KIAA1217: variants seen among roughly 807,000 people sequenced by gnomAD.
KIAA1217 encodes KIAA1217.
KIAA1217 carries 88 observed loss-of-function variants against 163.9 expected under a neutral mutation model. That is an observed-to-expected ratio of 0.54 (90% CI 0.45 to 0.64). KIAA1217 has a LOEUF of 0.64. Among genes scored for constraint, KIAA1217 ranks in the 30% least tolerant of loss-of-function variants. The pLI is 0.00. For missense variants in KIAA1217, 2,372 were observed against 2,475.0 expected, an observed-to-expected ratio of 0.96 and a Z score of 0.88; for synonymous variants, 903 against 923.1, an observed-to-expected ratio of 0.98 and a Z score of 0.39.
intron 2 of KIAA1217, among the ~76,000 whole-genome samples, chr10:24,278,484 A>G: frequency 6.6e-6 from 1 of 152,214 alleles, no homozygotes; most frequent in East Asian, 1.9e-4. Context: ...TGTGTGGATA[A>G]GGGATAATCT....
chr10:24,337,761 A>G (rs1345808160), intron 2 of KIAA1217, among the ~76,000 whole-genome samples: 3 of 150,932 alleles, frequency 2.0e-5, no homozygotes, highest in African/African-American at 7.3e-5. Context: ...TTCCTGCCTC[A>G]GCCTCCTGAG....
At chr10:24,067,548 C>T (rs1374827769) in intron 2 of KIAA1217, among the ~76,000 whole-genome samples, 1 of 152,186 alleles carries the variant, frequency 6.6e-6, no homozygotes, top group Non-Finnish European at 1.5e-5. Flanking sequence ...TGTCAGTCCG[C>T]CCCTACTGGG....
intron 1 of KIAA1217, among the ~76,000 whole-genome samples, chr10:23,860,149 C>T (rs1451821447): frequency 1.3e-5 from 2 of 152,208 alleles, no homozygotes; most frequent in African/African-American, 4.8e-5. Context: ...GATTGGGCCT[C>T]ATGAGCAGCT....
intron 11 of KIAA1217, 123 bp from the exon 12 acceptor site, chr10:24,521,659 A>G (rs566410618): frequency 3.4e-6 from 4 of 1,175,668 alleles, no homozygotes; most frequent in East Asian, 2.4e-5. Flanking sequence ...TGCCACCTGA[A>G]GATGTGTGAG....
intron 1 of KIAA1217, among the ~76,000 whole-genome samples, chr10:23,778,852 A>G (rs538568757): frequency 6.6e-6 from 1 of 152,256 alleles, no homozygotes; most frequent in Admixed American, 6.5e-5. Context: ...TAACATTTTT[A>G]TATATGGTCT....
At chr10:23,864,485 A>G (rs1840091038) in intron 1 of KIAA1217, among the ~76,000 whole-genome samples, 1 of 149,918 alleles carries the variant, frequency 6.7e-6, no homozygotes, top group Non-Finnish European at 1.5e-5. Flanking sequence ...AATTTATTCT[A>G]GATTTTTTCC....
intron 6 of KIAA1217, among the ~76,000 whole-genome samples, chr10:24,477,383 C>T (rs1019365348): frequency 6.6e-5 from 10 of 152,242 alleles, no homozygotes; most frequent in African/African-American, 2.2e-4. Flanking sequence ...GTAACTTGCC[C>T]GAGGCCACAA....
intron 2 of KIAA1217, among the ~76,000 whole-genome samples, chr10:24,086,198 G>A (rs2061693922): frequency 6.6e-6 from 1 of 152,112 alleles, no homozygotes; most frequent in African/African-American, 2.4e-5. Flanking sequence ...CTAAAAACAG[G>A]GTGGAAGTGA....
chr10:24,496,404 A>G (rs910979685), intron 8 of KIAA1217, among the ~76,000 whole-genome samples: 37 of 152,390 alleles, frequency 2.4e-4, no homozygotes, highest in African/African-American at 8.7e-4. Context: ...TTTAAAATGG[A>G]TTGTAAACTT....
chr10:24,073,560 C>T (rs1372930632), intron 2 of KIAA1217, among the ~76,000 whole-genome samples: 2 of 152,278 alleles, frequency 1.3e-5, no homozygotes, highest in Middle Eastern at 3.4e-3. Flanking sequence ...GGGCTTAGGT[C>T]TAGCACTTGG....
At chr10:24,006,011 C>T (rs1036123931) in intron 1 of KIAA1217, among the ~76,000 whole-genome samples, 4 of 152,288 alleles carry the variant, frequency 2.6e-5, no homozygotes, top group Admixed American at 2.6e-4. Flanking sequence ...CTAGACTTCA[C>T]CTGACATCAA....
At chr10:23,934,506 C>CTT (rs201429714) in intron 1 of KIAA1217, among the ~76,000 whole-genome samples, 1 of 98,390 alleles carries the variant, frequency 1.0e-5, no homozygotes, top group African/African-American at 3.7e-5. Context: ...TCTTTCTTTT[C>CTT]TTTTTTTTTT....
At chr10:24,323,787 T>TTGTGTG (rs1564471877) in intron 2 of KIAA1217, among the ~76,000 whole-genome samples, 2 of 106,456 alleles carry the variant, frequency 1.9e-5, no homozygotes, top group East Asian at 2.8e-4. Context: ...TGTTTTCTCT[T>TTGTGTG]CGTGTGTGTG....
chr10:23,896,422 C>T (rs183892523), intron 1 of KIAA1217, among the ~76,000 whole-genome samples: 101 of 152,150 alleles, frequency 6.6e-4, no homozygotes, highest in African/African-American at 2.3e-3. Flanking sequence ...CCTCTGTTCA[C>T]CCCTATGAAG....
Position 23,956,170 on chromosome 10 carries a change from G to T in KIAA1217, c.-320-51055G>T, listed in dbSNP as rs189460042. ...TGCAACTTAGGAACACTCTCTAATG[G>T]CCTTCTTTTAATCTTCCTTTATGAC... On this transcript the variant is annotated intron_variant, in intron 1 of 18. Coordinates refer to the KIAA1217 transcript ENST00000376462. Among the ~76,000 whole-genome samples the T allele has an allele frequency of 1.8e-3, 277 of 152,204 alleles. 3 individuals carry two copies. Among genetic ancestry groups the T allele is most frequent in the Non-Finnish European group, 1.4e-3 (97 of 68,004 alleles).
intron 1 of KIAA1217, among the ~76,000 whole-genome samples, chr10:24,211,834 G>A (rs1170046480): frequency 2.0e-5 from 3 of 151,808 alleles, no homozygotes; most frequent in Non-Finnish European, 4.4e-5. Context: ...GTATATTGAA[G>A]GTAATGCCCA....
intron 1 of KIAA1217, among the ~76,000 whole-genome samples, chr10:23,852,668 G>C (rs996345560): frequency 1.4e-4 from 22 of 152,108 alleles, no homozygotes; most frequent in African/African-American, 5.3e-4. Flanking sequence ...TCTTCCATTT[G>C]TTTGTATCCT....
intron 2 of KIAA1217, among the ~76,000 whole-genome samples, chr10:24,182,549 G>A (rs982823975): frequency 2.6e-5 from 4 of 152,052 alleles, no homozygotes; most frequent in African/African-American, 7.2e-5. Flanking sequence ...GAAGTGATTT[G>A]AGTCAATGAG....
intron 3 of KIAA1217, among the ~76,000 whole-genome samples, chr10:24,417,669 T>C (rs1035923686): frequency 1.3e-5 from 2 of 151,910 alleles, no homozygotes; most frequent in Admixed American, 6.6e-5. Flanking sequence ...AGTCTACGAA[T>C]GAGAGTGAGG....
Sources: gnomAD v4.1 joint callset for allele counts (sites outside exome capture counted in the v4.1 genomes callset) on GRCh38, gnomAD v4.1.1 for gene constraint, MANE v1.5 for transcripts, NCBI Gene and HGNC (gene_info 2026-07-23, HGNC 2026-07-21) for gene names.